Variants in MSH4 observed in about 807,000 individuals in gnomAD.
MSH4 encodes mutS homolog 4.
A neutral mutation model predicts 113.7 loss-of-function variants in MSH4; 106 were observed. The ratio of observed to expected loss-of-function variants is 0.93; its 90% confidence interval spans 0.80 to 1.10. The LOEUF is 1.10. MSH4 is among the 50% of genes least tolerant of loss of function. MSH4 has a pLI of 0.00. For missense variants in MSH4, 1,061 were observed against 1,093.7 expected (o/e 0.97, Z 0.42); for synonymous variants, 368 against 380.2 (o/e 0.97, Z 0.37).
chr1:75,806,935 G>T, intron 2 of MSH4, 46 bp from the exon 3 acceptor site: 7 of 1,468,684 alleles, frequency 4.8e-6, no homozygotes, highest in Non-Finnish European at 6.3e-6. Context: ...AAAAAGAAAT[G>T]ATTATTATCA....
At chr1:75,892,363 G>C (rs930128076) in intron 17 of MSH4, among the ~76,000 whole-genome samples, 15 of 141,938 alleles carry the variant, frequency 1.1e-4, no homozygotes, top group Admixed American at 8.0e-4. Flanking sequence ...CTCTTCACAC[G>C]CACACACATA....
chr1:75,814,328 A>G (rs1028627357), intron 4 of MSH4, among the ~76,000 whole-genome samples: 8 of 149,500 alleles, frequency 5.4e-5, no homozygotes, highest in African/African-American at 1.7e-4. Flanking sequence ...AGCCAGATGT[A>G]ATGGTGTGTG....
intron 6 of MSH4, 39 bp downstream of exon 6, chr1:75,816,585 A>T (rs915605182): frequency 1.7e-6 from 2 of 1,182,008 alleles, no homozygotes. Flanking sequence ...ATATATCGGT[A>T]TATATATATT....
At chr1:75,808,326 TTGTC>T (rs1473912491) in intron 3 of MSH4, among the ~76,000 whole-genome samples, 1 of 152,228 alleles carries the variant, frequency 6.6e-6, no homozygotes, top group African/African-American at 2.4e-5. Flanking sequence ...TGAATACAAT[TTGTC>T]TGCTCATAAC....
At chr1:75,841,227 G>T (rs1032088117) in intron 7 of MSH4, among the ~76,000 whole-genome samples, 3 of 143,282 alleles carry the variant, frequency 2.1e-5, no homozygotes, top group African/African-American at 2.5e-5. Context: ...CTTTCACAGG[G>T]TCTCACTCTG....
chr1:75,813,421 G>T (rs1242610563), intron 4 of MSH4, among the ~76,000 whole-genome samples: 6 of 152,118 alleles, frequency 3.9e-5, no homozygotes, highest in Admixed American at 3.9e-4. Context: ...AAGTCAGATT[G>T]TCCCGGTTTC....
chr1:75,897,941 T>C lies in MSH4; in HGVS notation c.2390T>C (p.Leu797Pro). 6.3e-7 allele frequency: 1 copy of C among 1,586,722 alleles called. No individual in the cohort carries two copies. Among genetic ancestry groups the C allele is most frequent in the Non-Finnish European group, 8.6e-7 (1 of 1,166,946 alleles). Residue 797 changes from leucine (L) to proline (P), a missense_variant, in exon 18 of 20, where the codon CTA becomes CCA. Physicochemically the swap from Leu to Pro is moderately conservative, Grantham distance 98. Transcript: ENST00000263187. ...CTGTTTGCTACACATTTCCTGGAAC[T>C]ATGCCATATTGATGCCCTGTATCCT... ...FTLFATHFLE[L>P]CHIDALYPNV...
intron 6 of MSH4, among the ~76,000 whole-genome samples, chr1:75,817,928 A>G (rs894243933): frequency 1.3e-5 from 2 of 152,072 alleles, no homozygotes; most frequent in Non-Finnish European, 2.9e-5. Context: ...CTTAAAAGTC[A>G]TTCTTGTTTC....
intron 17 of MSH4, among the ~76,000 whole-genome samples, chr1:75,895,010 C>T (rs978354487): frequency 6.6e-6 from 1 of 152,156 alleles, no homozygotes; most frequent in African/African-American, 2.4e-5. Flanking sequence ...CCTAGTAACT[C>T]AAGGGCAAAA....
chr1:75,860,981 A>C (rs913605126), intron 8 of MSH4, among the ~76,000 whole-genome samples: 1 of 151,820 alleles, frequency 6.6e-6, no homozygotes, highest in South Asian at 2.1e-4. Context: ...TTTTTTCTCT[A>C]ATCTTGTCTT....
At chr1:75,823,334 A>T (rs1180284927) in intron 7 of MSH4, among the ~76,000 whole-genome samples, 1 of 151,314 alleles carries the variant, frequency 6.6e-6, no homozygotes, top group African/African-American at 2.4e-5. Flanking sequence ...TTAAGACTTC[A>T]CAGTATCATT....
At chr1:75,803,615 CTCAAAAAA>C (rs780532803) in intron 1 of MSH4, 108 bp from the exon 2 acceptor site, 269 of 788,198 alleles carry the variant, frequency 3.4e-4, no homozygotes, top group Non-Finnish European at 4.7e-4. Flanking sequence ...AAGACTCTGT[CTCAAAAAA>C]GAAAAAAAGA....
At chr1:75,873,031 A>G (rs1651747752) in intron 9 of MSH4, among the ~76,000 whole-genome samples, 1 of 152,230 alleles carries the variant, frequency 6.6e-6, no homozygotes, top group Admixed American at 6.5e-5. Flanking sequence ...TGCAGCAGAC[A>G]CACGTAAGTG....
intron 19 of MSH4, among the ~76,000 whole-genome samples, chr1:75,904,376 T>A (rs983735043): frequency 2.6e-5 from 4 of 152,196 alleles, no homozygotes; most frequent in African/African-American, 7.2e-5. Context: ...ACTAGCCTCA[T>A]AGAATGAGTT....
chr1:75,841,078 C>A (rs1289516700), intron 7 of MSH4, among the ~76,000 whole-genome samples: 1 of 151,930 alleles, frequency 6.6e-6, no homozygotes, highest in African/African-American at 2.4e-5. Context: ...AGCAGTAATG[C>A]AGATGTTTTT....
At chr1:75,889,466 GT>G (rs1339910563) in intron 16 of MSH4, 97 bp downstream of exon 16, 1 of 598,670 alleles carries the variant, frequency 1.7e-6, no homozygotes, top group African/African-American at 1.9e-5. Context: ...ATATGCAGAT[GT>G]TGCTTATACC....
chr1:75,853,679 AT>A (rs60366923), intron 8 of MSH4, among the ~76,000 whole-genome samples: 11,529 of 152,008 alleles, frequency 0.076, 714 homozygotes, highest in East Asian at 0.27. Flanking sequence ...TTTATATTCA[AT>A]TGGTTATAGT....
At chr1:75,854,057 A>G (rs1344949137) in intron 8 of MSH4, among the ~76,000 whole-genome samples, 1 of 142,962 alleles carries the variant, frequency 7.0e-6, no homozygotes, top group African/African-American at 2.5e-5. Flanking sequence ...TGACCTCTAT[A>G]TTTATTTCTG....
chr1:75,899,102 T>C (rs1219493898), intron 18 of MSH4, among the ~76,000 whole-genome samples: 1 of 152,150 alleles, frequency 6.6e-6, no homozygotes, highest in Non-Finnish European at 1.5e-5. Flanking sequence ...ATTTATACAA[T>C]AAAATTAAGC....
Sources: allele counts gnomAD v4.1 joint callset (sites outside exome capture counted in the v4.1 genomes callset), GRCh38; gene constraint gnomAD v4.1.1; transcripts MANE v1.5; gene names NCBI Gene and HGNC (gene_info 2026-07-23, HGNC 2026-07-21).